Variants in PTPRT observed in about 807,000 individuals in gnomAD.
PTPRT encodes the protein receptor-type tyrosine-protein phosphatase T.
PTPRT carries 56 observed loss-of-function variants against 176.8 expected under a neutral mutation model. The observed-to-expected ratio is 0.32, with a 90% confidence interval of 0.26 to 0.40. PTPRT has a LOEUF of 0.40. Among genes scored for constraint, PTPRT ranks in the 10% least tolerant of loss-of-function variants. PTPRT has a pLI of 1.00. For missense variants in PTPRT, 1,540 were observed against 1,908.2 expected (o/e 0.81, Z 3.60); for synonymous variants, 783 against 739.0 (o/e 1.06, Z -0.96).
At chr20:42,481,804 A>ACG (rs149328532) in intron 7 of PTPRT, among the ~76,000 whole-genome samples, 53 of 142,872 alleles carry the variant, frequency 3.7e-4, no homozygotes, top group Middle Eastern at 7.3e-3. Context: ...ACACACACAC[A>ACG]CGCGCGCATG....
chr20:42,467,735 T>G (rs924972146), intron 8 of PTPRT, among the ~76,000 whole-genome samples: 11 of 152,216 alleles, frequency 7.2e-5, no homozygotes, highest in Non-Finnish European at 1.5e-4. Context: ...AGATATAAGA[T>G]ACACACACAT....
At chr20:42,282,681 G>A (rs553305029) in intron 12 of PTPRT, among the ~76,000 whole-genome samples, 156 bp from the exon 13 acceptor site, 5 of 151,520 alleles carry the variant, frequency 3.3e-5, no homozygotes, top group South Asian at 2.1e-4. Context: ...TTTCCCCATC[G>A]GATGACCTTT....
chr20:42,063,058 C>G, the PTPRT span, among the ~76,000 whole-genome samples: 1 of 152,130 alleles, frequency 6.6e-6, no homozygotes, highest in Non-Finnish European at 1.5e-5. Flanking sequence ...ACAATTTTTG[C>G]GTTTCAAGAG....
intron 6 of PTPRT, among the ~76,000 whole-genome samples, chr20:42,695,734 A>G (rs1271751628): frequency 6.6e-6 from 1 of 152,218 alleles, no homozygotes; most frequent in African/African-American, 2.4e-5. Context: ...ATTCATTAGT[A>G]AGCAGCTGTC....
intron 9 of PTPRT, among the ~76,000 whole-genome samples, chr20:42,363,229 C>T (rs1158439831): frequency 7.1e-6 from 1 of 139,868 alleles, no homozygotes; most frequent in Non-Finnish European, 1.5e-5. Flanking sequence ...GCCAAAGGCA[C>T]ACCCCTCCAC....
chr20:43,142,513 T>G (rs983915280), intron 1 of PTPRT, among the ~76,000 whole-genome samples: 1 of 152,218 alleles, frequency 6.6e-6, no homozygotes, highest in Non-Finnish European at 1.5e-5. Context: ...AAGAAAGGCA[T>G]GTGAATCTAT....
intron 27 of PTPRT, among the ~76,000 whole-genome samples, chr20:42,086,753 A>AAAATATAT (rs1983991312): frequency 6.3e-5 from 6 of 95,538 alleles, no homozygotes; most frequent in Non-Finnish European, 1.2e-4. Context: ...AAAAAAAAAA[A>AAAATATAT]ATATATATAT....
At chr20:42,855,622 T>C (rs1433233644) in intron 2 of PTPRT, among the ~76,000 whole-genome samples, 15 of 151,736 alleles carry the variant, frequency 9.9e-5, no homozygotes, top group Non-Finnish European at 4.4e-5. Context: ...AGTAGAGACA[T>C]GGTTTCGCCA....
chr20:42,041,918 C>G, the PTPRT span, among the ~76,000 whole-genome samples: 1 of 152,128 alleles, frequency 6.6e-6, no homozygotes, highest in African/African-American at 2.4e-5. Flanking sequence ...TTCCTATGCC[C>G]TAGCTTCAAT....
At position 42,617,290 on chromosome 20, in the gene PTPRT, T is replaced by C. The variant is rs73618854; in HGVS notation, c.1153+60576A>G. On this transcript the variant is annotated intron_variant, in intron 7 of 30. Coordinates refer to ENST00000373187, the MANE Select transcript of PTPRT (RefSeq NM_007050.6). ...AGCCTTGCATCCCAGGGATGAAGCC[T>C]ACTTGATCATGGTGGATAAGCTTTT... is the stretch of plus-strand genomic sequence containing the variant. 7.3e-4 allele frequency among the ~76,000 whole-genome samples: 98 copies of C among 133,814 alleles called. 11 individuals carry two copies. Among genetic ancestry groups the C allele is most frequent in the African/African-American group, 2.9e-3 (85 of 29,690 alleles). 87.8% of individuals were successfully genotyped at this position (133,814 alleles called of 152,430 possible). A position where few individuals can be genotyped will look rare whatever the true frequency, so the allele number is the denominator to read the frequency against.
chr20:42,365,942 C>A (rs1433908951), intron 9 of PTPRT, among the ~76,000 whole-genome samples: 1 of 152,230 alleles, frequency 6.6e-6, no homozygotes, highest in Non-Finnish European at 1.5e-5. Flanking sequence ...CTGTTTCCAA[C>A]ACATTCCCTT....
chr20:42,569,087 T>A (rs1452131779), intron 7 of PTPRT, among the ~76,000 whole-genome samples: 48 of 83,634 alleles, frequency 5.7e-4, no homozygotes, highest in African/African-American at 1.1e-3. Context: ...AAAAAATATA[T>A]ATATATATAT....
At chr20:42,472,159 A>C in intron 8 of PTPRT, 107 bp downstream of exon 8, 1 of 1,263,968 alleles carries the variant, frequency 7.9e-7, no homozygotes, top group Non-Finnish European at 1.1e-6. Flanking sequence ...GGTGTGTGTG[A>C]GGGAATTAAA....
At chr20:43,009,661 T>A (rs1438318093) in intron 1 of PTPRT, among the ~76,000 whole-genome samples, 1 of 152,118 alleles carries the variant, frequency 6.6e-6, no homozygotes, top group African/African-American at 2.4e-5. Context: ...CCGTGACGCG[T>A]AGGCAGGAAA....
chr20:43,002,185 C>T (rs189183052), intron 1 of PTPRT, among the ~76,000 whole-genome samples: 104 of 152,236 alleles, frequency 6.8e-4, no homozygotes, highest in African/African-American at 2.4e-3. Context: ...GTAAGTTTCC[C>T]GAGGCCTCCC....
chr20:42,342,176 A>G (rs1260242481), intron 11 of PTPRT, among the ~76,000 whole-genome samples: 1 of 152,214 alleles, frequency 6.6e-6, no homozygotes, highest in African/African-American at 2.4e-5. Context: ...GGTGGTACAC[A>G]CATAACCCTT....
At chr20:42,191,980 G>A (rs535328617) in intron 16 of PTPRT, among the ~76,000 whole-genome samples, 2 of 152,274 alleles carry the variant, frequency 1.3e-5, no homozygotes, top group East Asian at 3.9e-4. Flanking sequence ...ACAACAATGA[G>A]GGGTGGGGGA....
intron 1 of PTPRT, among the ~76,000 whole-genome samples, chr20:42,889,736 A>G (rs527514393): frequency 1.3e-5 from 2 of 152,360 alleles, no homozygotes; most frequent in South Asian, 4.1e-4. Flanking sequence ...CACTGGTCCA[A>G]CCAAAGCAGC....
chr20:42,538,480 G>A (rs866501910), intron 7 of PTPRT, among the ~76,000 whole-genome samples: 1 of 152,150 alleles, frequency 6.6e-6, no homozygotes. Context: ...GTAAACACAA[G>A]CATGTAAAAG....
Sources: gnomAD v4.1 joint callset for allele counts (sites outside exome capture counted in the v4.1 genomes callset) on GRCh38, gnomAD v4.1.1 for gene constraint, MANE v1.5 for transcripts, NCBI Gene and HGNC (gene_info 2026-07-23, HGNC 2026-07-21) for gene names.